FSTL5: variants seen among roughly 807,000 people sequenced by gnomAD.
FSTL5 encodes the protein follistatin-related protein 5.
Under a neutral mutation model 89.1 loss-of-function variants are expected in FSTL5, and 62 were observed. The ratio of observed to expected loss-of-function variants is 0.70; its 90% CI spans 0.57 to 0.86. FSTL5 has a LOEUF of 0.86. Among genes scored for constraint, FSTL5 ranks in the 40% least tolerant of loss-of-function variants. FSTL5 has a pLI of 0.00. For missense variants in FSTL5, 1,057 were observed against 1,001.6 expected (o/e 1.06, Z -0.75); for synonymous variants, 383 against 346.2 (o/e 1.11, Z -1.18).
intron 15 of FSTL5, among the ~76,000 whole-genome samples, chr4:161,400,393 T>C (rs1018809618): frequency 6.6e-6 from 1 of 152,096 alleles, no homozygotes; most frequent in Non-Finnish European, 1.5e-5. Context: ...ATCATCATTT[T>C]AATCTTAAAT....
chr4:162,107,492 A>C (rs923867307), intron 2 of FSTL5, among the ~76,000 whole-genome samples: 4 of 152,130 alleles, frequency 2.6e-5, no homozygotes, highest in Admixed American at 1.3e-4. Context: ...ACAAATGCAC[A>C]AGACTGTCAA....
intron 15 of FSTL5, among the ~76,000 whole-genome samples, chr4:161,437,333 G>A (rs1027275988): frequency 2.6e-5 from 4 of 151,952 alleles, no homozygotes; most frequent in African/African-American, 9.7e-5. Context: ...TTGGGAGGCC[G>A]AGGCGGGCGG....
intron 4 of FSTL5, among the ~76,000 whole-genome samples, chr4:161,829,257 G>A (rs2126859224): frequency 6.7e-6 from 1 of 149,760 alleles, no homozygotes; most frequent in East Asian, 2.0e-4. Flanking sequence ...TGGTATTCCA[G>A]AGGAAAAGCT....
intron 12 of FSTL5, among the ~76,000 whole-genome samples, chr4:161,493,848 C>A (rs72683730): frequency 6.6e-6 from 1 of 151,930 alleles, no homozygotes; most frequent in East Asian, 1.9e-4. Flanking sequence ...TACTTGTTAT[C>A]GATAATCTCT....
chr4:161,631,369 G>A (rs1735501497), intron 7 of FSTL5, among the ~76,000 whole-genome samples: 1 of 152,150 alleles, frequency 6.6e-6, no homozygotes, highest in African/African-American at 2.4e-5. Context: ...TGTAATCCTA[G>A]CATTTTGGGA....
At chr4:161,752,104 T>A (rs1426431188) in intron 6 of FSTL5, among the ~76,000 whole-genome samples, 6 of 152,160 alleles carry the variant, frequency 3.9e-5, no homozygotes. Flanking sequence ...GTTGTTTTAT[T>A]TTTTAAATAG....
At chr4:161,507,446 C>T (rs928770644) in intron 11 of FSTL5, among the ~76,000 whole-genome samples, 4 of 151,514 alleles carry the variant, frequency 2.6e-5, no homozygotes, top group African/African-American at 7.3e-5. Flanking sequence ...TATAGTAAAA[C>T]TACTTTTCAG....
chr4:161,901,777 T>C (rs570580261), intron 4 of FSTL5, among the ~76,000 whole-genome samples: 2 of 151,790 alleles, frequency 1.3e-5, no homozygotes, highest in Non-Finnish European at 2.9e-5. Context: ...TCTACTAAAA[T>C]ACAAAAAATT....
intron 13 of FSTL5, among the ~76,000 whole-genome samples, chr4:161,464,594 T>C (rs965125183): frequency 6.6e-6 from 1 of 152,180 alleles, no homozygotes; most frequent in Non-Finnish European, 1.5e-5. Flanking sequence ...ATAGATTCTA[T>C]GCTCCCAGAA....
intron 4 of FSTL5, 58 bp downstream of exon 4, chr4:161,920,346 T>C (rs778281911): frequency 1.5e-5 from 23 of 1,544,818 alleles, no homozygotes; most frequent in Non-Finnish European, 1.9e-5. Flanking sequence ...TTAAAGGCAC[T>C]AGTTGAGAAA....
intron 13 of FSTL5, among the ~76,000 whole-genome samples, chr4:161,478,345 C>G (rs1729369560): frequency 6.6e-6 from 1 of 152,022 alleles, no homozygotes; most frequent in South Asian, 2.1e-4. Context: ...ATCTGTTGAG[C>G]TTTTGTTCAT....
intron 8 of FSTL5, among the ~76,000 whole-genome samples, chr4:161,567,238 A>C (rs1732849914): frequency 2.0e-5 from 3 of 152,264 alleles, no homozygotes; most frequent in African/African-American, 7.2e-5. Context: ...TAGCAGTAAA[A>C]CAACACAGAG....
At chr4:161,811,638 C>A (rs2126839763) in intron 4 of FSTL5, among the ~76,000 whole-genome samples, 1 of 151,956 alleles carries the variant, frequency 6.6e-6, no homozygotes, top group South Asian at 2.1e-4. Flanking sequence ...TTGATTATAT[C>A]AAGCGGGCTT....
chr4:161,991,923 A>G (rs1012597125), intron 3 of FSTL5, among the ~76,000 whole-genome samples: 2 of 152,194 alleles, frequency 1.3e-5, no homozygotes, highest in Non-Finnish European at 2.9e-5. Flanking sequence ...AGGATATAAG[A>G]GAATAAACCA....
intron 3 of FSTL5, among the ~76,000 whole-genome samples, chr4:161,977,167 TTGC>T (rs1317685719): frequency 1.2e-4 from 19 of 152,186 alleles, no homozygotes; most frequent in Non-Finnish European, 2.9e-5. Context: ...AATGTTATAA[TTGC>T]TGCAAGTTGG....
intron 3 of FSTL5, among the ~76,000 whole-genome samples, chr4:161,921,852 T>C (rs952363647): frequency 6.6e-6 from 1 of 152,078 alleles, no homozygotes; most frequent in Non-Finnish European, 1.5e-5. Context: ...CTCATAGTTT[T>C]ATCAAGATTA....
intron 6 of FSTL5, among the ~76,000 whole-genome samples, chr4:161,663,297 G>C (rs138452795): frequency 0.013 from 1,987 of 152,196 alleles, 32 homozygotes; most frequent in African/African-American, 0.044. Flanking sequence ...TCTCATCTGA[G>C]ACAAGGCAAG....
In FSTL5 at chr4:161,758,087, T is replaced by G. The variant is rs189888775; in HGVS notation, c.727+1324A>C. Among the ~76,000 whole-genome samples the G allele has an allele frequency of 3.9e-5, 6 of 152,312 alleles. No individual in the cohort carries two copies. In the East Asian group the frequency reaches 9.6e-4, roughly 24 times the overall value. On this transcript the variant is annotated intron_variant, in intron 6 of 15. Coordinates refer to ENST00000306100, the MANE Select transcript of FSTL5 (RefSeq NM_020116.5). ...CGTATTTTTATCGTGATTTAAAAAT[T>G]TATAAGCTACAACTTTTTTCATATA...
At chr4:162,157,737 C>T (rs1412200961) in intron 1 of FSTL5, among the ~76,000 whole-genome samples, 3 of 152,062 alleles carry the variant, frequency 2.0e-5, no homozygotes, top group Non-Finnish European at 4.4e-5. Flanking sequence ...CCTTTGGGAT[C>T]CACTTAATAA....
Sources: allele counts gnomAD v4.1 joint callset (sites outside exome capture counted in the v4.1 genomes callset), GRCh38; gene constraint gnomAD v4.1.1; transcripts MANE v1.5; gene names NCBI Gene and HGNC (gene_info 2026-07-23, HGNC 2026-07-21).